The following TENT4B variants were observed in gnomAD, a reference collection of about 807,000 sequenced individuals.
TENT4B encodes the protein PAP associated domain containing 5.
In TENT4B, 10 loss-of-function variants were observed where a neutral mutation model predicts 75.0. That is an observed-to-expected ratio of 0.13 (90% CI 0.08 to 0.23). The LOEUF (loss-of-function observed/expected upper bound fraction) is 0.23. Ranked by LOEUF, TENT4B falls within the 10% of genes least tolerant of loss-of-function variation. The pLI, the probability that TENT4B is intolerant of heterozygous loss-of-function variation, is 1.00. For synonymous variants in TENT4B, 350 were observed against 357.7 expected (o/e 0.98, Z 0.24); for missense variants, 579 against 893.8 (o/e 0.65, Z 4.49).
Position 50,153,557 on chromosome 16 carries a change from AGGCGGC to A in TENT4B, c.-52_-47del. The A allele has an allele frequency of 1.1e-6, 1 of 950,106 alleles. No individual in the cohort carries two copies. Among genetic ancestry groups the A allele is most frequent in the South Asian group, 5.1e-5 (1 of 19,768 alleles). The allele number at this position is 950,106 out of a possible 1,614,324, so 58.9% of individuals were successfully genotyped here. On this transcript the variant is annotated 5_prime_UTR_variant, in exon 1 of 12. Transcript: ENST00000561678. ...GCAGCCGAGGCCGGGCGTGCGCCTG[AGGCGGC>A]GGCGGCGGCGGCCCTGCGGGCGGCC... is the stretch of plus-strand genomic sequence containing the variant.
At chr16:50,176,376 C>A (rs551971551) in intron 1 of TENT4B, among the ~76,000 whole-genome samples, 1 of 151,444 alleles carries the variant, frequency 6.6e-6, no homozygotes. Flanking sequence ...TGAACCACTA[C>A]GCCCAGCCTA....
intron 1 of TENT4B, among the ~76,000 whole-genome samples, chr16:50,210,164 G>A (rs1461494009): frequency 3.9e-5 from 6 of 152,140 alleles, no homozygotes; most frequent in African/African-American, 1.2e-4. Context: ...CTCAGTCCTC[G>A]TGGGTGGTCA....
At chr16:50,224,576 C>T (rs2031965071) in intron 7 of TENT4B, 81 bp from the exon 8 acceptor site, 2 of 1,557,212 alleles carry the variant, frequency 1.3e-6, no homozygotes, top group African/African-American at 2.7e-5. Context: ...ATGGCCCTTG[C>T]TCTCCTGGAA....
intron 1 of TENT4B, among the ~76,000 whole-genome samples, chr16:50,207,104 T>G (rs1318827258): frequency 1.3e-5 from 2 of 151,604 alleles, no homozygotes; most frequent in Non-Finnish European, 2.9e-5. Flanking sequence ...CGTTGTATAG[T>G]GGTGCTCATT....
intron 1 of TENT4B, among the ~76,000 whole-genome samples, chr16:50,163,245 GGACTT>G (rs1411684852): frequency 6.6e-6 from 1 of 151,984 alleles, no homozygotes; most frequent in Non-Finnish European, 1.5e-5. Flanking sequence ...CCAGGAACTT[GGACTT>G]AATAAAGTAC....
chr16:50,233,697 A>C lies in TENT4B; in HGVS notation c.*4369A>C. The C allele has an allele frequency of 1.0e-6, 1 of 985,182 alleles. No homozygotes were observed. Among genetic ancestry groups the C allele is most frequent in the Non-Finnish European group, 1.2e-6 (1 of 829,720 alleles). The allele number at this position is 985,182 out of a possible 1,614,324, so 61.0% of individuals were successfully genotyped here. ...TCTCAGGTTTTTGGTTTTTTTAAAAAAAATGTGTTTGGCCTTTACATTTTC... is the reference window on the plus strand; with the variant it reads ...TCTCAGGTTTTTGGTTTTTTTAAAACAAATGTGTTTGGCCTTTACATTTTC... On this transcript the variant is annotated 3_prime_UTR_variant, in exon 12 of 12. Coordinates refer to ENST00000561678, the MANE Select transcript of TENT4B (RefSeq NM_001365324.3).
chr16:50,167,804 G>A (rs2038130764), intron 1 of TENT4B, among the ~76,000 whole-genome samples: 1 of 152,070 alleles, frequency 6.6e-6, no homozygotes, highest in African/African-American at 2.4e-5. Flanking sequence ...TTACAGGCGT[G>A]CACCACCAAG....
At chr16:50,209,176 T>C (rs1342583235) in intron 1 of TENT4B, among the ~76,000 whole-genome samples, 3 of 152,174 alleles carry the variant, frequency 2.0e-5, no homozygotes, top group Non-Finnish European at 2.9e-5. Context: ...TTCCCCCCCA[T>C]TGGTTAAAAT....
At position 50,223,330 on chromosome 16, in the gene TENT4B, A is replaced by T; in HGVS notation, c.1324A>T (p.Asn442Tyr). ...TGTGGCCAAAGATGAAGTACAGAAA[A>T]ATATGCTAGATGGCTACAGGCCATC... ...SYVAKDEVQKNMLDGYRPSML... is the reference protein window; with the variant it reads ...SYVAKDEVQKYMLDGYRPSML... The change falls in exon 7 of 12, where the codon AAT becomes TAT. Residue 442 changes from asparagine (N) to tyrosine (Y), a missense_variant. Asn to Tyr is a moderately radical substitution (Grantham distance 143). This residue lies in a region of TENT4B where 71 missense variants were observed against 210.6 expected (regional missense o/e 0.34). Transcript: ENST00000561678. The T allele has an allele frequency of 1.2e-6, 2 of 1,613,886 alleles. No homozygotes were observed. Among genetic ancestry groups the T allele is most frequent in the African/African-American group, 2.7e-5 (2 of 75,036 alleles).
rs111511386 is a variant in TENT4B, at chr16:50,234,043, G to A, written c.*4715G>A. Reference sequence around the variant, plus strand: ...CACTACACCAGCTTCTGTGTGGCCTGGTAACATGGAAGGTCTCTCCTAAGG... The same window carrying A: ...CACTACACCAGCTTCTGTGTGGCCTAGTAACATGGAAGGTCTCTCCTAAGG... On this transcript the variant is annotated 3_prime_UTR_variant, in exon 12 of 12. Coordinates refer to ENST00000561678, the MANE Select transcript of TENT4B (RefSeq NM_001365324.3). The A allele has an allele frequency of 9.5e-4, 940 of 985,300 alleles. 2 individuals carry two copies. The highest frequency in any genetic ancestry group is 1.1e-3 in the Non-Finnish European group (874 of 829,942). 61.0% of individuals were successfully genotyped at this position (985,300 alleles called of 1,614,324 possible).
At chr16:50,217,532 A>G (rs1460515541) in intron 4 of TENT4B, 24 bp from the exon 5 acceptor site, 2 of 1,282,700 alleles carry the variant, frequency 1.6e-6, no homozygotes, top group Non-Finnish European at 2.1e-6. Context: ...AAGCATTTAC[A>G]TTTTACCTTT....
At chr16:50,180,423 A>G (rs1375749433) in intron 1 of TENT4B, among the ~76,000 whole-genome samples, 2 of 152,162 alleles carry the variant, frequency 1.3e-5, no homozygotes, top group African/African-American at 2.4e-5. Context: ...TTTTGAAATA[A>G]TAGGCCAGTT....
intron 1 of TENT4B, among the ~76,000 whole-genome samples, chr16:50,190,090 A>AG (rs1567493577): frequency 4.7e-5 from 1 of 21,258 alleles, no homozygotes; most frequent in African/African-American, 7.2e-5. Context: ...AAAAAAAAAA[A>AG]AAACAAAGAA....
intron 1 of TENT4B, among the ~76,000 whole-genome samples, chr16:50,203,993 CTGAG>C (rs752742096): frequency 2.6e-5 from 4 of 152,180 alleles, no homozygotes; most frequent in Non-Finnish European, 5.9e-5. Flanking sequence ...AATATTTGAG[CTGAG>C]TGAGAAGGTG....
chr16:50,194,347 C>T (rs923683952), intron 1 of TENT4B, among the ~76,000 whole-genome samples: 3 of 151,906 alleles, frequency 2.0e-5, no homozygotes, highest in Admixed American at 2.0e-4. Flanking sequence ...TCCTGAGTTG[C>T]TGAGATTACA....
chr16:50,218,554 A>G (rs1267724122), intron 5 of TENT4B, among the ~76,000 whole-genome samples: 1 of 151,542 alleles, frequency 6.6e-6, no homozygotes, highest in African/African-American at 2.4e-5. Flanking sequence ...GGGTTTCACC[A>G]TATTGGCCAG....
chr16:50,157,974 C>T (rs2037932956), intron 1 of TENT4B, among the ~76,000 whole-genome samples: 2 of 151,730 alleles, frequency 1.3e-5, no homozygotes, highest in Admixed American at 6.6e-5. Flanking sequence ...TCATGTTGCC[C>T]ATGAAGGTCT....
At chr16:50,216,411 A>G (rs540939028) in intron 4 of TENT4B, among the ~76,000 whole-genome samples, 2 of 152,316 alleles carry the variant, frequency 1.3e-5, no homozygotes, top group Admixed American at 6.5e-5. Flanking sequence ...CCTCGGCTCA[A>G]GTGATCCTTC....
intron 1 of TENT4B, among the ~76,000 whole-genome samples, chr16:50,187,697 T>C (rs2038558957): frequency 6.6e-6 from 1 of 152,176 alleles, no homozygotes; most frequent in Admixed American, 6.5e-5. Context: ...CTTGGTACCC[T>C]AGCTGAAGTT....
Sources: gnomAD v4.1 joint callset for allele counts (sites outside exome capture counted in the v4.1 genomes callset) on GRCh38, gnomAD v4.1.1 for gene constraint, gnomAD v4.1.1 regional missense constraint, MANE v1.5 for transcripts, NCBI Gene and HGNC (gene_info 2026-07-23, HGNC 2026-07-21) for gene names.